The following MBOAT7 variants were observed in gnomAD, a reference collection of about 807,000 sequenced individuals.
MBOAT7 encodes the protein membrane-bound acylglycerophosphatidylinositol O-acyltransferase MBOAT7.
Under a neutral mutation model 47.4 loss-of-function variants are expected in MBOAT7, and 40 were observed. That is an observed-to-expected ratio of 0.84 (90% CI 0.66 to 1.10). The LOEUF (loss-of-function observed/expected upper bound fraction) is 1.10. Among genes scored for constraint, MBOAT7 ranks in the 50% least tolerant of loss-of-function variants. MBOAT7 has a pLI of 0.00. For synonymous variants in MBOAT7, 361 were observed against 292.0 expected, an observed-to-expected ratio of 1.24 and a Z score of -2.41; for missense variants, 680 against 655.6, an observed-to-expected ratio of 1.04 and a Z score of -0.41.
At position 54,188,526 on chromosome 19, in the gene MBOAT7, G is replaced by A. The variant is rs756815866; in HGVS notation, c.-3-15C>T. 3 of 1,550,404 alleles carry A rather than the reference G, an allele frequency of 1.9e-6. No individual in the cohort carries two copies. The East Asian group carries it at 7.3e-5, about 38-fold the overall frequency. ...GGCGACATGGTCTGGGGGAGGGGCA[G>A]AGATTCACAGTGAGAACCCAGGAAT... On this transcript the variant is annotated splice_polypyrimidine_tract_variant and intron_variant, in intron 1 of 7. Coordinates refer to ENST00000245615, the MANE Select transcript of MBOAT7 (RefSeq NM_024298.5).
Position 54,174,201 on chromosome 19 carries a change from T to G in MBOAT7, c.1262A>C (p.Asp421Ala), listed in dbSNP as rs751510098. The change falls in exon 8 of 8, where the codon GAC (aspartate) becomes GCC (alanine). Residue 421 changes from aspartate (D) to alanine (A), a missense_variant. By Grantham distance (126) the Asp-to-Ala change is moderately radical (BLOSUM62 -2). Transcript: ENST00000245615. The stretch of plus-strand genomic sequence containing the variant: ...GATGGAGGCCCAGTACCGAAGGGTG[T>G]CGGCCAAGGAGAGCAGCACGAAGCC... Reference protein sequence around the residue: ...CMGFVLLSLADTLRYWASIYF... With the variant: ...CMGFVLLSLAATLRYWASIYF... The G allele has an allele frequency of 3.1e-6, 5 of 1,598,608 alleles. No homozygotes were observed. In the African/African-American group the frequency reaches 5.4e-5, roughly 17 times the overall value.
At chr19:54,174,460 A>G in intron 7 of MBOAT7, 29 bp from the exon 8 acceptor site, 1 of 1,498,144 alleles carries the variant, frequency 6.7e-7, no homozygotes. Flanking sequence ...GTCAGGACCT[A>G]CGAGTCCAGG....
chr19:54,175,948 C>T (rs2076094982), intron 7 of MBOAT7, among the ~76,000 whole-genome samples: 1 of 152,354 alleles, frequency 6.6e-6, no homozygotes, highest in South Asian at 2.1e-4. Context: ...TGCTCTCAAT[C>T]TCTTGACCTT....
chr19:54,183,116 T>C (rs947856433), intron 5 of MBOAT7, among the ~76,000 whole-genome samples: 1 of 152,234 alleles, frequency 6.6e-6, no homozygotes, highest in African/African-American at 2.4e-5. Flanking sequence ...TCCTCTCGCC[T>C]CAGCCTCCGA....
chr19:54,180,720 C>A lies in MBOAT7; in HGVS notation c.854+53G>T. 1 of 1,445,356 alleles carries A rather than the reference C, an allele frequency of 6.9e-7. No homozygotes were observed. Among genetic ancestry groups the A allele is most frequent in the Non-Finnish European group, 9.1e-7 (1 of 1,103,718 alleles). 89.5% of individuals were successfully genotyped at this position (1,445,356 alleles called of 1,614,324 possible). ...CCTCCCGGCTAGGGGCAGAGCCAGC[C>A]CTTGGAGGTGGGGGCTGCTGGGTCT... is the stretch of plus-strand genomic sequence containing the variant. On this transcript the variant is annotated intron_variant, in intron 6 of 7. Coordinates refer to ENST00000245615, the MANE Select transcript of MBOAT7 (RefSeq NM_024298.5). This position sits in a 1 kb window ranked among gnomAD's most constrained non-coding sequence, Gnocchi z 5.2.
At position 54,173,819 on chromosome 19, in the gene MBOAT7, CTT is replaced by C. The variant is rs1380186200; in HGVS notation, c.*223_*224del. On this transcript the variant is annotated 3_prime_UTR_variant, in exon 8 of 8. Transcript: ENST00000245615. Reference sequence around the variant, plus strand: ...GAAGCTGGAGCAGGGGCCAGTGACTCTTGTCTGGACAATACTTTGATTTTGTA... The same window carrying C: ...GAAGCTGGAGCAGGGGCCAGTGACTCGTCTGGACAATACTTTGATTTTGTA... 4.0e-6 allele frequency: 2 copies of C among 498,882 alleles called. No homozygotes were observed. Among genetic ancestry groups the C allele is most frequent in the Admixed American group, 3.9e-5 (1 of 25,544 alleles). The allele number at this position is 498,882 out of a possible 1,614,324, so 30.9% of individuals were successfully genotyped here.
intron 1 of MBOAT7, 55 bp from the exon 2 acceptor site, chr19:54,188,566 T>G (rs2076528513): frequency 1.3e-6 from 2 of 1,507,604 alleles, no homozygotes; most frequent in Non-Finnish European, 1.8e-6. Flanking sequence ...GCCCCCTGCC[T>G]CCTCCCTCTT....
rs1328367430 is a variant in MBOAT7 at position 54,178,493 on chromosome 19, G to A, written c.1031+272C>T. The A allele has an allele frequency of 2.2e-6, 3 of 1,337,378 alleles. No homozygotes were observed. In the African/African-American group the frequency reaches 4.4e-5, roughly 20 times the overall value. The allele number at this position is 1,337,378 out of a possible 1,614,324, so 82.8% of individuals were successfully genotyped here. ...CCTGGACGGCCAAGATTCCAGGAAG[G>A]CTGGCTATTGAGTCCACAGGACTCA... On this transcript the variant is annotated intron_variant, in intron 7 of 7. Transcript: ENST00000245615.
At chr19:54,176,688 C>T (rs1392565245) in intron 7 of MBOAT7, among the ~76,000 whole-genome samples, 2 of 152,132 alleles carry the variant, frequency 1.3e-5, no homozygotes, top group Admixed American at 6.6e-5. Flanking sequence ...AGCACAGTTG[C>T]CCCCAGTTGA....
intron 5 of MBOAT7, among the ~76,000 whole-genome samples, chr19:54,181,474 G>C (rs935744908): frequency 2.0e-5 from 3 of 151,420 alleles, no homozygotes; most frequent in Non-Finnish European, 4.4e-5. Context: ...TGGGCAAAAC[G>C]GCAAGACCCC....
Position 54,174,354 on chromosome 19 carries a change from G to C in MBOAT7, c.1109C>G (p.Pro370Arg). 1.9e-6 allele frequency: 3 copies of C among 1,612,432 alleles called. No individual in the cohort carries two copies. The highest frequency in any genetic ancestry group is 2.5e-6 in the Non-Finnish European group (3 of 1,179,216). Residue 370 changes from proline to arginine, a missense_variant, in exon 8 of 8, where the codon CCG (proline) becomes CGG (arginine). By Grantham distance (103) the Pro-to-Arg change is moderately radical. Transcript: ENST00000245615. ...CCGGCCCTCGGCAGCCAGGCACAGC[G>C]GGATGGTCAGGAAGCTCAGGTAGTA... The part of the protein sequence containing the change: ...PGYYLSFLTI[P>R]LCLAAEGRLE...
intron 5 of MBOAT7, among the ~76,000 whole-genome samples, chr19:54,183,157 C>A (rs181830456): frequency 3.9e-4 from 60 of 152,318 alleles, no homozygotes; most frequent in Non-Finnish European, 5.4e-4. Flanking sequence ...TAAGCCCCCA[C>A]GCCCAGATGA....
chr19:54,178,753 G>T lies in MBOAT7; in HGVS notation c.1031+12C>A. ...TCTGCAGTGTCACCTGAGACTGGGC[G>T]GGCTCACTCACCGCAGGACATAGGA... is the stretch of plus-strand genomic sequence containing the variant. On this transcript the variant is annotated intron_variant, in intron 7 of 7. Coordinates refer to ENST00000245615, the MANE Select transcript of MBOAT7 (RefSeq NM_024298.5). 6.2e-7 allele frequency: 1 copy of T among 1,612,400 alleles called. No homozygotes were observed. Among genetic ancestry groups the T allele is most frequent in the Non-Finnish European group, 8.5e-7 (1 of 1,179,342 alleles).
rs1468329579 is a variant in MBOAT7 at position 54,188,513 on chromosome 19, T to G, written c.-3-2A>C. On this transcript the variant is annotated splice_acceptor_variant, in intron 1 of 7. Transcript: ENST00000245615. LOFTEE classifies it low-confidence loss of function (5UTR_SPLICE). ...CGTCCATTCTTCAGGCGACATGGTC[T>G]GGGGGAGGGGCAGAGATTCACAGTG... 21 of 1,552,012 alleles carry G rather than the reference T, an allele frequency of 1.4e-5. No individual in the cohort carries two copies. The highest frequency in any genetic ancestry group is 1.8e-5 in the Non-Finnish European group (21 of 1,147,170).
intron 1 of MBOAT7, 110 bp from the exon 2 acceptor site, chr19:54,188,621 TGATGGAGTATGAGC>T: frequency 1.0e-6 from 1 of 983,310 alleles, no homozygotes; most frequent in Non-Finnish European, 1.5e-6. Flanking sequence ...TTTTTGAGGA[TGATGGAGTATGAGC>T]CTCAGCTCCT....
chr19:54,179,321 C>T (rs2076203980), intron 6 of MBOAT7: 1 of 262,978 alleles, frequency 3.8e-6, no homozygotes, highest in Non-Finnish European at 7.3e-6. Context: ...ACTGCAGTTG[C>T]CAGGGAAGTT....
intron 7 of MBOAT7, among the ~76,000 whole-genome samples, chr19:54,174,904 A>G (rs1408047948): frequency 6.6e-6 from 1 of 151,964 alleles, no homozygotes; most frequent in African/African-American, 2.4e-5. Flanking sequence ...TCTTCTTTAA[A>G]GATTTAACAT....
In MBOAT7 at chr19:54,180,755, T is replaced by G. The variant is rs778042629; in HGVS notation, c.854+18A>C. The G allele has an allele frequency of 9.3e-5, 135 of 1,449,898 alleles. No individual in the cohort carries two copies. The highest frequency in any genetic ancestry group is 1.2e-4 in the Non-Finnish European group (132 of 1,100,876). 89.8% of individuals were successfully genotyped at this position (1,449,898 alleles called of 1,614,324 possible). On this transcript the variant is annotated intron_variant, in intron 6 of 7. Coordinates refer to ENST00000245615, the MANE Select transcript of MBOAT7 (RefSeq NM_024298.5). This position sits in a 1 kb window ranked among gnomAD's most constrained non-coding sequence, Gnocchi z 5.2. ...GGGGGCTGCTGGGTCTTGGGAAGCC[T>G]CCCTCGCGCCGCCTGACCTGCTGGG...
Position 54,178,875 on chromosome 19 carries a change from T to C in MBOAT7, c.921A>G (p.Thr307=). ...CATCGCGCACCCGCACGCAGAAATC[T>C]GTGCTGTAGCAGTCGATGTTGCGGA... The part of the protein sequence containing the change: ...ETIRNIDCYS[T]DFCVRVRDGM... The change falls in exon 7 of 8, where the codon ACA becomes ACG. Residue 307 remains threonine (T), a synonymous_variant. Coordinates refer to ENST00000245615, the MANE Select transcript of MBOAT7 (RefSeq NM_024298.5). The C allele has an allele frequency of 6.2e-7, 1 of 1,613,672 alleles. No individual in the cohort carries two copies. Among genetic ancestry groups the C allele is most frequent in the Non-Finnish European group, 8.5e-7 (1 of 1,180,020 alleles).
Sources: allele counts gnomAD v4.1 joint callset (sites outside exome capture counted in the v4.1 genomes callset), GRCh38; gene constraint gnomAD v4.1.1; non-coding constraint Gnocchi (gnomAD v3.1); transcripts MANE v1.5; gene names NCBI Gene and HGNC (gene_info 2026-07-23, HGNC 2026-07-21).